Variants in ADAM10 observed in about 807,000 individuals in gnomAD.
The protein encoded by ADAM10 is ADAM metallopeptidase domain 10, also known as disintegrin and metalloproteinase domain-containing protein 10.
A neutral mutation model predicts 90.1 loss-of-function variants in ADAM10; 17 were observed. The ratio of observed to expected loss-of-function variants is 0.19; its 90% CI spans 0.13 to 0.28. The LOEUF (loss-of-function observed/expected upper bound fraction) is 0.28. Ranked by LOEUF, ADAM10 falls within the 10% of genes least tolerant of loss-of-function variation. The probability of loss-of-function intolerance (pLI) is 1.00; values close to 1 mark genes in which losing one functional copy is unlikely to be tolerated. For synonymous variants in ADAM10, 310 were observed against 298.6 expected (o/e 1.04, Z -0.40); for missense variants, 610 against 914.3 (o/e 0.67, Z 4.29).
chr15:58,717,126 TTC>T (rs35178287), intron 2 of ADAM10, among the ~76,000 whole-genome samples: 25,737 of 152,002 alleles, frequency 0.17, 2,434 homozygotes, highest in East Asian at 0.43. Context: ...CACTTAACAA[TTC>T]TGTTTGAGAA....
chr15:58,629,682 A>G (rs913499959), intron 9 of ADAM10, among the ~76,000 whole-genome samples: 4 of 152,242 alleles, frequency 2.6e-5, no homozygotes, highest in South Asian at 2.1e-4. Flanking sequence ...ACCATGCACT[A>G]TAACTATTAA....
At position 58,598,366 on chromosome 15, in the gene ADAM10, A is replaced by G. The variant is rs148421520; in HGVS notation, c.2153-725T>C. On this transcript the variant is annotated intron_variant, in intron 15 of 15. Coordinates refer to ENST00000260408, the MANE Select transcript of ADAM10 (RefSeq NM_001110.4). The stretch of plus-strand genomic sequence containing the variant: ...CCTTAGAACTTCCTTAAATACTAAC[A>G]TAAGTTCCAGAGTGCTAACTAACAT... 9.9e-3 allele frequency among the ~76,000 whole-genome samples: 1,512 copies of G among 152,330 alleles called. 22 individuals carry two copies. The highest frequency in any genetic ancestry group is 0.034 in the African/African-American group (1,397 of 41,564).
chr15:58,591,842 A>C lies in ADAM10; in HGVS notation c.*5705T>G, dbSNP rs1239004799. 1 of 152,210 alleles carries C rather than the reference A, an allele frequency of 6.6e-6. No individual in the cohort carries two copies. The highest frequency in any genetic ancestry group is 1.5e-5 in the Non-Finnish European group (1 of 68,036). 9.4% of individuals were successfully genotyped at this position (152,210 alleles called of 1,614,324 possible). ...ATTATCACACCTAAAAATAATTAAA[A>C]ACCTTAATATCAAATATCCACTTTT... On this transcript the variant is annotated 3_prime_UTR_variant, in exon 16 of 16. Transcript: ENST00000260408.
intron 5 of ADAM10, among the ~76,000 whole-genome samples, chr15:58,660,281 C>A (rs1442777068): frequency 2.0e-5 from 3 of 152,018 alleles, no homozygotes; most frequent in Non-Finnish European, 4.4e-5. Flanking sequence ...GCAGTCTCAA[C>A]CTTCTACATT....
chr15:58,747,525 A>G (rs1899830265), intron 1 of ADAM10: 1 of 152,242 alleles, frequency 6.6e-6, no homozygotes, highest in African/African-American at 2.4e-5. Context: ...AGATCTTACA[A>G]GTGACCAAAA....
At chr15:58,655,171 G>A (rs925178980) in intron 5 of ADAM10, 1 of 152,108 alleles carries the variant, frequency 6.6e-6, no homozygotes, top group Non-Finnish European at 1.5e-5. Flanking sequence ...ATATATCTGG[G>A]TGTTCCAGTG....
chr15:58,725,226 T>C (rs923819585), intron 1 of ADAM10, among the ~76,000 whole-genome samples: 3 of 151,786 alleles, frequency 2.0e-5, no homozygotes, highest in Non-Finnish European at 2.9e-5. Context: ...GTATTTATTA[T>C]ATGAATATAA....
intron 11 of ADAM10, among the ~76,000 whole-genome samples, chr15:58,620,038 A>T (rs1348735527): frequency 1.3e-5 from 2 of 152,160 alleles, no homozygotes; most frequent in South Asian, 2.1e-4. Context: ...GGAAAAGGCT[A>T]CAATGGAAAA....
intron 14 of ADAM10, among the ~76,000 whole-genome samples, chr15:58,607,678 A>C (rs1895315231): frequency 6.6e-6 from 1 of 152,220 alleles, no homozygotes; most frequent in South Asian, 2.1e-4. Context: ...CTCTTGATAA[A>C]TTAGCAATAC....
Position 58,591,362 on chromosome 15 carries a change from A to G in ADAM10, c.*6185T>C, listed in dbSNP as rs951858703. On this transcript the variant is annotated 3_prime_UTR_variant, in exon 16 of 16. Coordinates refer to ENST00000260408, the MANE Select transcript of ADAM10 (RefSeq NM_001110.4). ...ATCATTATGAATACAGGTCATTATCATGAATTACTGCTAAAATAAAAACAG... is the reference window on the plus strand; with the variant it reads ...ATCATTATGAATACAGGTCATTATCGTGAATTACTGCTAAAATAAAAACAG... 6.6e-6 allele frequency: 1 copy of G among 152,234 alleles called. No homozygotes were observed. The highest frequency in any genetic ancestry group is 2.4e-5 in the African/African-American group (1 of 41,458). The allele number at this position is 152,234 out of a possible 1,614,324, so 9.4% of individuals were successfully genotyped here. A position where few individuals can be genotyped will look rare whatever the true frequency, so the allele number is the denominator to read the frequency against.
At chr15:58,698,406 T>TCCAAAA in intron 2 of ADAM10, 1 of 201,096 alleles carries the variant, frequency 5.0e-6, no homozygotes, top group South Asian at 4.9e-5. Context: ...ACCCCATCTC[T>TCCAAAA]AAAAAAAAAA....
intron 1 of ADAM10, among the ~76,000 whole-genome samples, chr15:58,721,481 C>A (rs543897820): frequency 1.3e-5 from 2 of 152,174 alleles, no homozygotes; most frequent in African/African-American, 2.4e-5. Context: ...TACATAATTT[C>A]TATTCCCTAA....
chr15:58,611,231 A>G, intron 12 of ADAM10, 124 bp from the exon 13 acceptor site: 5 of 746,616 alleles, frequency 6.7e-6, no homozygotes, highest in Non-Finnish European at 1.2e-5. Context: ...AAAGTGAAAA[A>G]CAAACAGAGA....
intron 2 of ADAM10, among the ~76,000 whole-genome samples, chr15:58,688,786 A>ATATATATATATATATGTATATATATCTC: frequency 8.2e-6 from 1 of 122,394 alleles, no homozygotes; most frequent in African/African-American, 3.6e-5. Context: ...ATATATATAT[A>ATATATATATATATATGTATATATATCTC]TCTCTCTCTC....
intron 5 of ADAM10, among the ~76,000 whole-genome samples, chr15:58,659,402 A>G (rs1896915583): frequency 6.6e-6 from 1 of 151,974 alleles, no homozygotes; most frequent in East Asian, 1.9e-4. Flanking sequence ...GCTTCCTTCT[A>G]TTTTTAGTTT....
At chr15:58,628,868 C>T (rs1896023019) in intron 9 of ADAM10, among the ~76,000 whole-genome samples, 1 of 152,200 alleles carries the variant, frequency 6.6e-6, no homozygotes, top group Non-Finnish European at 1.5e-5. Context: ...CTTTCATTTT[C>T]TATTCCCTCT....
At chr15:58,748,408 A>G (rs1899859618) in intron 1 of ADAM10, 1 of 152,344 alleles carries the variant, frequency 6.6e-6, no homozygotes, top group East Asian at 1.9e-4. Context: ...GAGGTTTTTA[A>G]GTTTACTCTG....
chr15:58,638,614 CAAA>C (rs60048171), intron 8 of ADAM10, among the ~76,000 whole-genome samples: 18 of 78,200 alleles, frequency 2.3e-4, no homozygotes, highest in East Asian at 9.6e-4. Context: ...CACTCTGTCT[CAAA>C]AAAAAAAAAA....
At chr15:58,605,720 G>A (rs149955903) in intron 14 of ADAM10, among the ~76,000 whole-genome samples, 1 of 152,172 alleles carries the variant, frequency 6.6e-6, no homozygotes, top group East Asian at 1.9e-4. Flanking sequence ...ACAAAGAGAA[G>A]ACATCCAACC....
Sources: gnomAD v4.1 joint callset for allele counts (sites outside exome capture counted in the v4.1 genomes callset) on GRCh38, gnomAD v4.1.1 for gene constraint, MANE v1.5 for transcripts, NCBI Gene and HGNC (gene_info 2026-07-23, HGNC 2026-07-21) for gene names.